Variants in DRC8 observed in about 807,000 individuals in gnomAD.
DRC8 encodes the protein dynein regulatory complex subunit 8.
At chr1:245,102,498 C>T in the DRC8 span, among the ~76,000 whole-genome samples, 1 of 152,172 alleles carries the variant, frequency 6.6e-6, no homozygotes, top group Non-Finnish European at 1.5e-5. Flanking sequence ...TCCAGGCATG[C>T]ACTAGCACTC....
the DRC8 span, among the ~76,000 whole-genome samples, chr1:244,985,718 G>A: frequency 8.6e-5 from 13 of 151,860 alleles, no homozygotes; most frequent in East Asian, 2.6e-3. Flanking sequence ...ACAAAAATTA[G>A]CCAGGCATGG....
chr1:244,983,978 AG>A, the DRC8 span, among the ~76,000 whole-genome samples: 1 of 151,886 alleles, frequency 6.6e-6, no homozygotes, highest in Non-Finnish European at 1.5e-5. Flanking sequence ...CTGGAGAGAC[AG>A]GGTTTCTCTC....
the DRC8 span, among the ~76,000 whole-genome samples, chr1:244,985,374 A>G: frequency 6.6e-6 from 1 of 152,216 alleles, no homozygotes; most frequent in Admixed American, 6.5e-5. Flanking sequence ...TCACATGTCA[A>G]ATGAGGAGCA....
the DRC8 span, among the ~76,000 whole-genome samples, chr1:245,054,376 C>T: frequency 1.3e-5 from 2 of 152,070 alleles, no homozygotes; most frequent in Non-Finnish European, 2.9e-5. Context: ...CTTAGATCCT[C>T]CTTGACCCAC....
At chr1:244,994,436 T>A in the DRC8 span, among the ~76,000 whole-genome samples, 11 of 152,282 alleles carry the variant, frequency 7.2e-5, no homozygotes, top group Admixed American at 1.3e-4. Context: ...CTTCTTTTTT[T>A]ATTTTTTTTC....
chr1:244,998,760 G>A, the DRC8 span, among the ~76,000 whole-genome samples: 9 of 152,150 alleles, frequency 5.9e-5, no homozygotes, highest in African/African-American at 2.2e-4. Context: ...CATGGCACTA[G>A]GACAGTGGTT....
chr1:245,067,202 C>T, the DRC8 span, among the ~76,000 whole-genome samples: 1 of 152,122 alleles, frequency 6.6e-6, no homozygotes, highest in African/African-American at 2.4e-5. Context: ...TCTCGGCTCA[C>T]TGCAACCTCC....
At chr1:245,066,633 C>T in the DRC8 span, among the ~76,000 whole-genome samples, 7 of 152,162 alleles carry the variant, frequency 4.6e-5, no homozygotes, top group Admixed American at 4.6e-4. Flanking sequence ...ATAGGCCAGG[C>T]ATGGTGGCTC....
At chr1:245,033,200 C>T in the DRC8 span, among the ~76,000 whole-genome samples, 22 of 152,168 alleles carry the variant, frequency 1.4e-4, no homozygotes, top group Non-Finnish European at 2.5e-4. Context: ...TTTATGAACC[C>T]GCAGCCCAAA....
chr1:244,987,228 T>C, the DRC8 span, among the ~76,000 whole-genome samples: 1 of 150,948 alleles, frequency 6.6e-6, no homozygotes, highest in African/African-American at 2.4e-5. Context: ...TGAGATGGAG[T>C]CTTGCTCTGT....
chr1:244,994,783 C>CTCTGTAAGA, the DRC8 span, among the ~76,000 whole-genome samples: 5 of 152,076 alleles, frequency 3.3e-5, no homozygotes, highest in African/African-American at 1.2e-4. Context: ...TAAGACTCAC[C>CTCTGTAAGA]CTCAAACTTT....
the DRC8 span, among the ~76,000 whole-genome samples, chr1:245,036,938 A>G: frequency 6.6e-6 from 1 of 152,202 alleles, no homozygotes; most frequent in Non-Finnish European, 1.5e-5. Flanking sequence ...TGAATATACT[A>G]AAGCCACTGG....
chr1:245,108,136 C>T, the DRC8 span, among the ~76,000 whole-genome samples: 3 of 152,098 alleles, frequency 2.0e-5, no homozygotes, highest in Non-Finnish European at 2.9e-5. Context: ...GTCACCCACC[C>T]GTCACCCAGT....
the DRC8 span, among the ~76,000 whole-genome samples, chr1:244,995,805 G>GATCT: frequency 6.6e-6 from 1 of 152,318 alleles, no homozygotes; most frequent in South Asian, 2.1e-4. Context: ...GCATAAAAAG[G>GATCT]ATCTCTCTTT....
the DRC8 span, among the ~76,000 whole-genome samples, chr1:245,056,166 C>T: frequency 3.3e-5 from 5 of 152,350 alleles, no homozygotes; most frequent in African/African-American, 1.2e-4. Context: ...AGGCATTCTC[C>T]ACCCTCCAGT....
At chr1:245,027,464 G>A in the DRC8 span, among the ~76,000 whole-genome samples, 4 of 152,140 alleles carry the variant, frequency 2.6e-5, no homozygotes, top group African/African-American at 4.8e-5. Flanking sequence ...AAAAAATTAA[G>A]TTGAAGAAAT....
At chr1:245,046,264 TA>T in the DRC8 span, among the ~76,000 whole-genome samples, 1 of 152,340 alleles carries the variant, frequency 6.6e-6, no homozygotes, top group East Asian at 1.9e-4. Flanking sequence ...CTATCTCCTG[TA>T]ACTTTCTTTT....
At chr1:244,998,134 T>C in the DRC8 span, among the ~76,000 whole-genome samples, 3 of 152,184 alleles carry the variant, frequency 2.0e-5, no homozygotes, top group Admixed American at 2.0e-4. Context: ...AAATCTTGAC[T>C]CCTTCATTCT....
chr1:245,074,867 A>G, the DRC8 span, among the ~76,000 whole-genome samples: 3 of 152,216 alleles, frequency 2.0e-5, no homozygotes, highest in Non-Finnish European at 4.4e-5. Context: ...AACATAGTTT[A>G]TGTCAAAATT....
Sources: gnomAD v4.1 joint callset for allele counts (sites outside exome capture counted in the v4.1 genomes callset) on GRCh38, gnomAD v4.1.1 for gene constraint, MANE v1.5 for transcripts, NCBI Gene and HGNC (gene_info 2026-07-23, HGNC 2026-07-21) for gene names.